The following XKR6 variants were observed in gnomAD, a reference collection of about 807,000 sequenced individuals.
XKR6 encodes XK related 6.
XKR6 carries 22 observed loss-of-function variants against 56.7 expected under a neutral mutation model. That is an observed-to-expected ratio of 0.39 (90% CI 0.28 to 0.55). XKR6 has a LOEUF of 0.55. Ranked by LOEUF, XKR6 falls within the 20% of genes least tolerant of loss-of-function variation. The pLI, the probability that XKR6 is intolerant of heterozygous loss-of-function variation, is 0.66. For missense variants in XKR6, 852 were observed against 889.0 expected (o/e 0.96, Z 0.53); for synonymous variants, 524 against 387.8 (o/e 1.35, Z -4.13).
chr8:11,068,336 G>A (rs1800033369), intron 1 of XKR6, among the ~76,000 whole-genome samples: 1 of 152,124 alleles, frequency 6.6e-6, no homozygotes, highest in African/African-American at 2.4e-5. Context: ...CGGTGGGTGG[G>A]GGGCTGGGCA....
intron 1 of XKR6, among the ~76,000 whole-genome samples, chr8:10,933,635 C>T (rs1221347358): frequency 9.3e-6 from 1 of 107,974 alleles, no homozygotes; most frequent in East Asian, 2.0e-4. Context: ...GTTTTCCTAG[C>T]ACCATTTATT....
At chr8:10,975,779 G>C (rs1310662219) in intron 1 of XKR6, among the ~76,000 whole-genome samples, 1 of 152,182 alleles carries the variant, frequency 6.6e-6, no homozygotes, top group African/African-American at 2.4e-5. Context: ...GCTTAGGCCT[G>C]GCCACTTCCA....
chr8:11,040,133 G>A (rs368331989), intron 1 of XKR6, among the ~76,000 whole-genome samples: 12 of 151,976 alleles, frequency 7.9e-5, no homozygotes, highest in East Asian at 1.9e-4. Flanking sequence ...GACCCAGGCC[G>A]GGGGGACCTT....
chr8:11,078,760 A>C (rs1217124967), intron 1 of XKR6, among the ~76,000 whole-genome samples: 1 of 152,170 alleles, frequency 6.6e-6, no homozygotes. Flanking sequence ...GTAGGCCCAG[A>C]ATGACGAGAG....
intron 1 of XKR6, among the ~76,000 whole-genome samples, chr8:10,950,164 T>C (rs1176292646): frequency 1.3e-5 from 2 of 151,964 alleles, no homozygotes; most frequent in Admixed American, 6.5e-5. Flanking sequence ...TCCCAACAGG[T>C]GGGGGTGGGA....
intron 1 of XKR6, among the ~76,000 whole-genome samples, chr8:11,071,444 C>A (rs1354915336): frequency 6.8e-6 from 1 of 146,694 alleles, no homozygotes; most frequent in African/African-American, 2.6e-5. Context: ...TTTCATACAA[C>A]CTCATTTTAC....
intron 1 of XKR6, among the ~76,000 whole-genome samples, chr8:11,150,904 T>C (rs1023433997): frequency 2.0e-5 from 3 of 152,068 alleles, no homozygotes; most frequent in Admixed American, 1.3e-4. Flanking sequence ...ATCAGTTATT[T>C]TTTTCTCCTC....
intron 1 of XKR6, among the ~76,000 whole-genome samples, chr8:11,100,151 C>G (rs1218906926): frequency 6.6e-6 from 1 of 152,156 alleles, no homozygotes; most frequent in African/African-American, 2.4e-5. Context: ...TCCCCAGACT[C>G]AGGCGATCCT....
chr8:11,161,327 G>A (rs966607862), intron 1 of XKR6, among the ~76,000 whole-genome samples: 1 of 152,112 alleles, frequency 6.6e-6, no homozygotes, highest in Non-Finnish European at 1.5e-5. Flanking sequence ...TGCCTACTCA[G>A]TGTCCATATC....
intron 1 of XKR6, among the ~76,000 whole-genome samples, chr8:10,945,448 C>G (rs1450120275): frequency 6.6e-6 from 1 of 152,146 alleles, no homozygotes; most frequent in African/African-American, 2.4e-5. Context: ...GGCGCCACTG[C>G]ACTCCAGCCT....
intron 1 of XKR6, among the ~76,000 whole-genome samples, chr8:11,178,576 A>ATATATATATATATATATACG (rs1266024257): frequency 7.4e-6 from 1 of 135,962 alleles, no homozygotes; most frequent in East Asian, 2.1e-4. Flanking sequence ...ATATATATGT[A>ATATATATATATATATATACG]TATATATATG....
intron 1 of XKR6, among the ~76,000 whole-genome samples, chr8:10,948,810 T>A (rs1801629381): frequency 6.6e-6 from 1 of 152,234 alleles, no homozygotes; most frequent in African/African-American, 2.4e-5. Flanking sequence ...GACGTGCTCA[T>A]CTGTGTTGCT....
intron 1 of XKR6, among the ~76,000 whole-genome samples, chr8:11,096,776 G>C (rs1048286816): frequency 4.6e-5 from 7 of 152,224 alleles, no homozygotes; most frequent in African/African-American, 1.7e-4. Context: ...TGACTTCCAT[G>C]TTGGTGTCTT....
chr8:10,900,004 C>T (rs1799990946), intron 2 of XKR6, among the ~76,000 whole-genome samples: 1 of 152,136 alleles, frequency 6.6e-6, no homozygotes, highest in East Asian at 1.9e-4. Context: ...CCCCCATCAC[C>T]AACCCCCAAC....
chr8:11,003,356 A>G (rs570733071), intron 1 of XKR6, among the ~76,000 whole-genome samples: 47 of 152,208 alleles, frequency 3.1e-4, no homozygotes, highest in Admixed American at 1.2e-3. Flanking sequence ...TCTCACCATC[A>G]TCACTACCAT....
chr8:11,189,005 C>G (rs1045011467), intron 1 of XKR6, among the ~76,000 whole-genome samples: 2 of 152,200 alleles, frequency 1.3e-5, no homozygotes, highest in Non-Finnish European at 2.9e-5. Flanking sequence ...CCAACTCCCC[C>G]TCATCCCCTC....
At chr8:10,901,458 T>TCACCACGCC (rs1488682778) in intron 2 of XKR6, among the ~76,000 whole-genome samples, 105 of 152,048 alleles carry the variant, frequency 6.9e-4, no homozygotes, top group African/African-American at 2.3e-3. Flanking sequence ...CAGGCATGAG[T>TCACCACGCC]CACCACGCCT....
Position 11,201,033 on chromosome 8 carries a change from C to T in XKR6, c.307G>A (p.Ala103Thr). The change falls in exon 1 of 3, where the codon GCC becomes ACC. Residue 103 changes from alanine to threonine, a missense_variant. Ala to Thr is a moderately conservative substitution (Grantham distance 58). Around this residue, in one of 4 missense-constraint regions of XKR6, gnomAD observed 417 missense variants for 355.2 expected, o/e 1.17. Coordinates refer to ENST00000416569, the MANE Select transcript of XKR6 (RefSeq NM_173683.4). ...GAGGGCGTCGGGGGTTGGCGGCCGG[C>T]GCCGGGGGCCGCGGGAGGCTGCAGC... ...QPLQPPAAPG[A>T]GRQPPTPSAA... The T allele has an allele frequency of 1.7e-6, 2 of 1,200,240 alleles. No homozygotes were observed. Among genetic ancestry groups the T allele is most frequent in the Non-Finnish European group, 2.1e-6 (2 of 971,950 alleles). The allele number at this position is 1,200,240 out of a possible 1,614,324, so 74.3% of individuals were successfully genotyped here.
intron 1 of XKR6, among the ~76,000 whole-genome samples, chr8:11,063,234 A>C (rs1451475698): frequency 6.6e-6 from 1 of 151,946 alleles, no homozygotes; most frequent in East Asian, 1.9e-4. Context: ...AGGTAACATA[A>C]AATAAGATTA....
Sources: gnomAD v4.1 joint callset for allele counts (sites outside exome capture counted in the v4.1 genomes callset) on GRCh38, gnomAD v4.1.1 for gene constraint, gnomAD v4.1.1 regional missense constraint, MANE v1.5 for transcripts, NCBI Gene and HGNC (gene_info 2026-07-23, HGNC 2026-07-21) for gene names.